The following EFNA5 variants were observed in gnomAD, a reference collection of about 807,000 sequenced individuals.
The protein encoded by EFNA5 is ephrin-A5.
EFNA5 carries 5 observed loss-of-function variants against 22.9 expected under a neutral mutation model. The observed-to-expected ratio is 0.22, with a 90% confidence interval of 0.11 to 0.46. The LOEUF is 0.46. EFNA5 is among the 20% of genes least tolerant of loss of function. The pLI is 0.99. For missense variants in EFNA5, 237 were observed against 293.3 expected (o/e 0.81, Z 1.40); for synonymous variants, 113 against 112.2 (o/e 1.01, Z -0.04).
intron 1 of EFNA5, among the ~76,000 whole-genome samples, chr5:107,487,839 G>T (rs762334984): frequency 1.3e-5 from 2 of 152,130 alleles, no homozygotes; most frequent in Non-Finnish European, 2.9e-5. Context: ...TGTATAACAG[G>T]TGCCAACAAA....
chr5:107,639,197 G>C (rs79465381), intron 1 of EFNA5, among the ~76,000 whole-genome samples: 16,149 of 152,204 alleles, frequency 0.11, 1,179 homozygotes, highest in Non-Finnish European at 0.15. Flanking sequence ...AAAATGGGGG[G>C]TTATTATTTA....
chr5:107,590,602 A>G (rs899083596), intron 1 of EFNA5, among the ~76,000 whole-genome samples: 2 of 151,856 alleles, frequency 1.3e-5, no homozygotes, highest in African/African-American at 4.8e-5. Flanking sequence ...TGTGTTGCCC[A>G]GGATAGTCTT....
chr5:107,455,756 T>TA (rs1749683882), intron 1 of EFNA5, among the ~76,000 whole-genome samples: 2 of 152,218 alleles, frequency 1.3e-5, no homozygotes, highest in Non-Finnish European at 2.9e-5. Context: ...TCTTTGCTCT[T>TA]AAAGTTTATT....
At position 107,378,274 on chromosome 5, in the gene EFNA5, G is replaced by A. The variant is rs1580409075; in HGVS notation, c.*2981C>T. On this transcript the variant is annotated 3_prime_UTR_variant, in exon 5 of 5. Transcript: ENST00000333274. ...ACAAAACAATAGTCTAAACTAACAC[G>A]AACTGTTACCTGGTCTATTAAAGGA... is the stretch of plus-strand genomic sequence containing the variant. The A allele has an allele frequency of 6.7e-6, 1 of 148,726 alleles. No individual in the cohort carries two copies. The highest frequency in any genetic ancestry group is 1.5e-5 in the Non-Finnish European group (1 of 67,614). 9.2% of individuals were successfully genotyped at this position (148,726 alleles called of 1,614,324 possible). A position where few individuals can be genotyped will look rare whatever the true frequency, so the allele number is the denominator to read the frequency against.
At chr5:107,442,505 A>G (rs964813858) in intron 1 of EFNA5, among the ~76,000 whole-genome samples, 6 of 152,198 alleles carry the variant, frequency 3.9e-5, no homozygotes, top group African/African-American at 1.4e-4. Context: ...GATTTGAGAG[A>G]AATGTATAGA....
intron 1 of EFNA5, among the ~76,000 whole-genome samples, chr5:107,668,748 A>T (rs1308880664): frequency 6.6e-6 from 1 of 152,192 alleles, no homozygotes; most frequent in Non-Finnish European, 1.5e-5. Flanking sequence ...AACGGGGAAA[A>T]AAAACTAACC....
At chr5:107,519,352 A>G (rs532984354) in intron 1 of EFNA5, among the ~76,000 whole-genome samples, 1 of 152,364 alleles carries the variant, frequency 6.6e-6, no homozygotes, top group East Asian at 1.9e-4. Flanking sequence ...TTACCTTTTC[A>G]TAACTCCTTT....
intron 1 of EFNA5, among the ~76,000 whole-genome samples, chr5:107,525,787 G>A (rs1251603754): frequency 6.6e-6 from 1 of 152,028 alleles, no homozygotes; most frequent in Non-Finnish European, 1.5e-5. Context: ...GAGGCTGAAG[G>A]GGAGGCAGGA....
chr5:107,476,764 A>G (rs1046420125), intron 1 of EFNA5, among the ~76,000 whole-genome samples: 1 of 111,250 alleles, frequency 9.0e-6, no homozygotes, highest in Non-Finnish European at 2.0e-5. Flanking sequence ...TCTCTCTCAC[A>G]GGAACATCCA....
At position 107,604,162 on chromosome 5, in the gene EFNA5, G is replaced by T. The variant is rs544378287; in HGVS notation, c.125+66327C>A. ...ATCTATAAGAGAATGGCTATTCCCAGTCACCAATATTAATCTTTTATTTAT... is the reference window on the plus strand; with the variant it reads ...ATCTATAAGAGAATGGCTATTCCCATTCACCAATATTAATCTTTTATTTAT... On this transcript the variant is annotated intron_variant, in intron 1 of 4. Coordinates refer to ENST00000333274, the MANE Select transcript of EFNA5 (RefSeq NM_001962.3). Among the ~76,000 whole-genome samples the T allele has an allele frequency of 3.3e-5, 5 of 152,198 alleles. No individual in the cohort carries two copies. The South Asian group carries it at 1.0e-3, about 32-fold the overall frequency.
intron 1 of EFNA5, among the ~76,000 whole-genome samples, chr5:107,513,639 C>T (rs756429971): frequency 5.9e-5 from 9 of 152,292 alleles, no homozygotes; most frequent in Non-Finnish European, 8.8e-5. Context: ...TTCTACATGA[C>T]GGGTGCTGTG....
chr5:107,475,102 A>G (rs1750246690), intron 1 of EFNA5, among the ~76,000 whole-genome samples: 1 of 152,258 alleles, frequency 6.6e-6, no homozygotes, highest in South Asian at 2.1e-4. Flanking sequence ...ATGTATCCTC[A>G]AGTTACTACT....
intron 1 of EFNA5, among the ~76,000 whole-genome samples, chr5:107,573,487 C>T (rs956949923): frequency 6.6e-6 from 1 of 151,774 alleles, no homozygotes; most frequent in African/African-American, 2.4e-5. Context: ...TCTTCATGCT[C>T]CTTATGCAAG....
chr5:107,647,412 C>T (rs1750649020), intron 1 of EFNA5, among the ~76,000 whole-genome samples: 1 of 151,994 alleles, frequency 6.6e-6, no homozygotes, highest in African/African-American at 2.4e-5. Flanking sequence ...TTATAATGAG[C>T]TCTTATTTTA....
intron 1 of EFNA5, among the ~76,000 whole-genome samples, chr5:107,581,558 G>C (rs575953985): frequency 1.3e-5 from 2 of 152,292 alleles, no homozygotes; most frequent in African/African-American, 4.8e-5. Context: ...ATCTACACTA[G>C]TGACCAAGTG....
chr5:107,538,164 C>T (rs1222502055), intron 1 of EFNA5, among the ~76,000 whole-genome samples: 2 of 152,184 alleles, frequency 1.3e-5, no homozygotes, highest in African/African-American at 4.8e-5. Flanking sequence ...ACAAAGGGTG[C>T]ATCTCCAATT....
chr5:107,640,238 C>T (rs909512935), intron 1 of EFNA5, among the ~76,000 whole-genome samples: 5 of 151,888 alleles, frequency 3.3e-5, no homozygotes, highest in Non-Finnish European at 7.4e-5. Flanking sequence ...TGGCTAATCT[C>T]GATGATAATA....
chr5:107,668,559 A>C (rs1486999089), intron 1 of EFNA5, among the ~76,000 whole-genome samples: 1 of 152,244 alleles, frequency 6.6e-6, no homozygotes, highest in Non-Finnish European at 1.5e-5. Context: ...CAAGTATCCA[A>C]ATAAATGAAT....
At chr5:107,421,896 A>C (rs1343159775) in intron 2 of EFNA5, among the ~76,000 whole-genome samples, 1 of 151,928 alleles carries the variant, frequency 6.6e-6, no homozygotes, top group Non-Finnish European at 1.5e-5. Context: ...GGTTCAAGCA[A>C]TTCTCCTGCC....
Sources: gnomAD v4.1 joint callset for allele counts (sites outside exome capture counted in the v4.1 genomes callset) on GRCh38, gnomAD v4.1.1 for gene constraint, MANE v1.5 for transcripts, NCBI Gene and HGNC (gene_info 2026-07-23, HGNC 2026-07-21) for gene names.